USP24: variants seen among roughly 807,000 people sequenced by gnomAD.
USP24 encodes the protein ubiquitin specific peptidase 24.
In USP24, 97 loss-of-function variants were observed where a neutral mutation model predicts 361.6. The ratio of observed to expected loss-of-function variants is 0.27; its 90% CI spans 0.23 to 0.32. The LOEUF is 0.32. Ranked by LOEUF, USP24 falls within the 10% of genes least tolerant of loss-of-function variation. The probability of loss-of-function intolerance (pLI) is 1.00; values close to 1 mark genes in which losing one functional copy is unlikely to be tolerated. For synonymous variants in USP24, 1,098 were observed against 1,124.6 expected (o/e 0.98, Z 0.47); for missense variants, 2,353 against 3,165.6 (o/e 0.74, Z 6.16).
At chr1:55,196,728 G>C (rs1043567419) in intron 1 of USP24, among the ~76,000 whole-genome samples, 4 of 152,192 alleles carry the variant, frequency 2.6e-5, no homozygotes, top group African/African-American at 9.7e-5. Flanking sequence ...TTTCTCACCA[G>C]ATCATGGTAT....
chr1:55,083,942 T>A, intron 56 of USP24, 54 bp from the exon 57 acceptor site: 1 of 1,344,592 alleles, frequency 7.4e-7, no homozygotes, highest in Non-Finnish European at 1.0e-6. Flanking sequence ...AGACAGACAT[T>A]TATAACAGGA....
intron 1 of USP24, among the ~76,000 whole-genome samples, chr1:55,204,252 A>AT (rs1157777451): frequency 2.0e-5 from 3 of 152,176 alleles, no homozygotes; most frequent in South Asian, 2.1e-4. Flanking sequence ...TCATTAAGAG[A>AT]TTTTTAGCCT....
intron 5 of USP24, 35 bp from the exon 6 acceptor site, chr1:55,166,638 T>C (rs1156445651): frequency 6.4e-7 from 1 of 1,551,546 alleles, no homozygotes; most frequent in Non-Finnish European, 8.8e-7. Context: ...GAGATGGCAA[T>C]ATAAAAGCTT....
chr1:55,162,116 C>A, intron 8 of USP24, 83 bp downstream of exon 8: 2 of 1,302,580 alleles, frequency 1.5e-6, no homozygotes, highest in Non-Finnish European at 2.1e-6. Context: ...TTAAAGACCA[C>A]TCTGAATAAC....
At chr1:55,089,869 G>C (rs146722806) in intron 54 of USP24, 129 bp from the exon 55 acceptor site, 2 of 621,486 alleles carry the variant, frequency 3.2e-6, no homozygotes, top group African/African-American at 1.9e-5. Flanking sequence ...CGTGGGTAGA[G>C]TGGAGGGATA....
chr1:55,208,272 C>T (rs990208179), intron 1 of USP24, among the ~76,000 whole-genome samples: 5 of 152,134 alleles, frequency 3.3e-5, no homozygotes, highest in African/African-American at 1.2e-4. Context: ...TGTAAACATA[C>T]TATAAAAACA....
chr1:55,156,863 G>T, intron 12 of USP24, 85 bp downstream of exon 12: 3 of 934,754 alleles, frequency 3.2e-6, no homozygotes, highest in Non-Finnish European at 5.1e-6. Context: ...TAAAGTTTCC[G>T]TTTTCCTGCT....
chr1:55,151,553 A>C (rs879592269), intron 16 of USP24, among the ~76,000 whole-genome samples: 3 of 152,218 alleles, frequency 2.0e-5, no homozygotes, highest in Non-Finnish European at 2.9e-5. Flanking sequence ...AAACAACTTA[A>C]GGAATATGCA....
intron 21 of USP24, 103 bp from the exon 22 acceptor site, chr1:55,143,222 G>C (rs1175656057): frequency 2.5e-6 from 2 of 801,814 alleles, no homozygotes; most frequent in African/African-American, 3.7e-5. Context: ...CACCTCTTCA[G>C]TTCAATATGA....
chr1:55,078,535 T>TAC lies in USP24; in HGVS notation c.7314+1_7314+2dup. 1 of 1,607,734 alleles carries TAC rather than the reference T, an allele frequency of 6.2e-7. No individual in the cohort carries two copies. The highest frequency in any genetic ancestry group is 8.5e-7 in the Non-Finnish European group (1 of 1,177,228). On this transcript the variant is annotated splice_region_variant and intron_variant, in intron 61 of 67. Transcript: ENST00000294383. Reference sequence around the variant, plus strand: ...GCTATCACTCGTTTAACTGAGGTCTTACCTTAATGAAATGCAGCATTGTGA... The same window carrying TAC: ...GCTATCACTCGTTTAACTGAGGTCTTACACCTTAATGAAATGCAGCATTGTGA...
intron 39 of USP24, 80 bp downstream of exon 39, chr1:55,110,105 T>G: frequency 8.3e-7 from 1 of 1,202,752 alleles, no homozygotes; most frequent in South Asian, 1.6e-5. Flanking sequence ...GATATGTAAA[T>G]CATATTTAGA....
In USP24 at chr1:55,071,884, T is replaced by C. The variant is rs1376238050; in HGVS notation, c.7730A>G (p.Glu2577Gly). The C allele has an allele frequency of 1.9e-6, 3 of 1,613,094 alleles. No homozygotes were observed. The highest frequency in any genetic ancestry group is 2.5e-6 in the Non-Finnish European group (3 of 1,179,612). ...AYATALLNEK[E>G]QSGSSNGSES... is the part of the protein sequence containing the mutation. ...CGACCCATTACTGCTTCCTGATTGCTCTTTTTCATTCAACAAAGCTGTGGC... is the reference window on the plus strand; with the variant it reads ...CGACCCATTACTGCTTCCTGATTGCCCTTTTTCATTCAACAAAGCTGTGGC... Residue 2577 changes from glutamate (E) to glycine (G), a missense_variant, in exon 67 of 68, where the codon GAG becomes GGG. Glu to Gly is a moderately conservative substitution (Grantham distance 98). This residue lies in a region of USP24 where 53 missense variants were observed against 57.7 expected (regional missense o/e 0.92). Transcript: ENST00000294383.
intron 13 of USP24, 76 bp from the exon 14 acceptor site, chr1:55,154,542 A>G: frequency 6.7e-7 from 1 of 1,497,014 alleles, no homozygotes; most frequent in Non-Finnish European, 9.1e-7. Flanking sequence ...AACTTGAGCT[A>G]AAAACATTAA....
At chr1:55,096,728 AT>A in intron 49 of USP24, 106 bp from the exon 50 acceptor site, 1 of 1,460,976 alleles carries the variant, frequency 6.8e-7, no homozygotes, top group Non-Finnish European at 9.2e-7. Context: ...GGTGTTTACC[AT>A]TTGAAAATAT....
At chr1:55,094,621 A>C (rs1645453511) in intron 51 of USP24, among the ~76,000 whole-genome samples, 1 of 151,920 alleles carries the variant, frequency 6.6e-6, no homozygotes, top group Admixed American at 6.6e-5. Context: ...CCTTTAAAAA[A>C]CAACAACATT....
chr1:55,172,548 G>A lies in USP24; in HGVS notation c.559-28C>T, dbSNP rs765180148. On this transcript the variant is annotated intron_variant, in intron 3 of 67. Transcript: ENST00000294383. ...ATAAAAACATAAAGGGCAATCTAGA[G>A]TCTAACTTGAAAAAAGAAAATAAAT... 2.5e-6 allele frequency: 4 copies of A among 1,572,114 alleles called. No individual in the cohort carries two copies. The East Asian group carries it at 9.1e-5, about 36-fold the overall frequency.
chr1:55,100,864 T>C lies in USP24; in HGVS notation c.5246A>G (p.Tyr1749Cys). Residue 1749 changes from tyrosine (Y) to cysteine (C), a missense_variant, in exon 44 of 68, where the codon TAC becomes TGC. By Grantham distance (194) the Tyr-to-Cys change is radical. Coordinates refer to ENST00000294383, the MANE Select transcript of USP24 (RefSeq NM_015306.3). ...CTTCCAAAAATTCTCAGGTACATAGTACTGCAGCTTGCTTTCCATTAAATG... is the reference window on the plus strand; with the variant it reads ...CTTCCAAAAATTCTCAGGTACATAGCACTGCAGCTTGCTTTCCATTAAATG... ...FGHLMESKLQ[Y>C]YVPENFWKIF... The C allele has an allele frequency of 6.2e-7, 1 of 1,613,466 alleles. No homozygotes were observed. The highest frequency in any genetic ancestry group is 8.5e-7 in the Non-Finnish European group (1 of 1,179,652).
At chr1:55,189,234 C>A (rs1426364563) in intron 1 of USP24, among the ~76,000 whole-genome samples, 1 of 152,032 alleles carries the variant, frequency 6.6e-6, no homozygotes, top group Non-Finnish European at 1.5e-5. Context: ...TGCTAACAAC[C>A]AAAAGGTTTG....
At chr1:55,169,523 C>T (rs897110438) in intron 5 of USP24, among the ~76,000 whole-genome samples, 5 of 152,034 alleles carry the variant, frequency 3.3e-5, no homozygotes, top group African/African-American at 1.2e-4. Flanking sequence ...AATCACATTA[C>T]AATCAAATTT....
Sources: gnomAD v4.1 joint callset for allele counts (sites outside exome capture counted in the v4.1 genomes callset) on GRCh38, gnomAD v4.1.1 for gene constraint, gnomAD v4.1.1 regional missense constraint, MANE v1.5 for transcripts, NCBI Gene and HGNC (gene_info 2026-07-23, HGNC 2026-07-21) for gene names.